The following FILIP1 variants were observed in gnomAD, a reference collection of about 807,000 sequenced individuals.
FILIP1 encodes filamin A interacting protein 1, also known as filamin-A-interacting protein 1.
A neutral mutation model predicts 102.1 loss-of-function variants in FILIP1; 61 were observed. The ratio of observed to expected loss-of-function variants is 0.60; its 90% CI spans 0.49 to 0.74. FILIP1 has a LOEUF of 0.74. Ranked by LOEUF, FILIP1 falls within the 30% of genes least tolerant of loss-of-function variation. The pLI is 0.00. For missense variants in FILIP1, 1,314 were observed against 1,441.2 expected (o/e 0.91, Z 1.43); for synonymous variants, 491 against 526.9 (o/e 0.93, Z 0.93).
At position 75,353,691 on chromosome 6, in the gene FILIP1, T is replaced by C. The variant is rs1395270888; in HGVS notation, c.477A>G (p.Lys159=). The change falls in exon 4 of 6, where the codon AAA becomes AAG. Residue 159 remains lysine, a synonymous_variant. Transcript: ENST00000237172. ...GCTCTAGCATGCGCCGGTAGGTTTCTTTCTGTTTTTCCTCAAGTCTGTCCA... is the reference window on the plus strand; with the variant it reads ...GCTCTAGCATGCGCCGGTAGGTTTCCTTCTGTTTTTCCTCAAGTCTGTCCA... The part of the protein sequence containing the change: ...SELDRLEEKQ[K]ETYRRMLEQL... 1.2e-6 allele frequency: 2 copies of C among 1,613,886 alleles called. No homozygotes were observed. The highest frequency in any genetic ancestry group is 1.7e-6 in the Non-Finnish European group (2 of 1,180,040).
chr6:75,472,080 T>C (rs1389423596), intron 1 of FILIP1, among the ~76,000 whole-genome samples: 1 of 152,164 alleles, frequency 6.6e-6, no homozygotes, highest in East Asian at 1.9e-4. Context: ...CAATTTGCTT[T>C]AAACTGGTGA....
At chr6:75,449,986 TGCG>T (rs1448629417) in intron 1 of FILIP1, among the ~76,000 whole-genome samples, 1 of 152,050 alleles carries the variant, frequency 6.6e-6, no homozygotes, top group Non-Finnish European at 1.5e-5. Flanking sequence ...CAGACTGGAG[TGCG>T]GTGGTGCAAT....
intron 2 of FILIP1, among the ~76,000 whole-genome samples, chr6:75,377,226 T>TA (rs908211900): frequency 6.6e-6 from 1 of 152,130 alleles, no homozygotes; most frequent in Non-Finnish European, 1.5e-5. Flanking sequence ...GTCCTTTTTA[T>TA]AAAAAAAGAA....
At chr6:75,391,039 A>G (rs903325245) in intron 2 of FILIP1, among the ~76,000 whole-genome samples, 1 of 152,032 alleles carries the variant, frequency 6.6e-6, no homozygotes, top group Non-Finnish European at 1.5e-5. Flanking sequence ...ACTATCTGTA[A>G]TTTCAGGTCT....
chr6:75,335,402 T>C (rs1403363564), intron 4 of FILIP1, among the ~76,000 whole-genome samples: 2 of 152,182 alleles, frequency 1.3e-5, no homozygotes, highest in Non-Finnish European at 2.9e-5. Context: ...GTTTCAGCAT[T>C]TATACAAAAT....
chr6:75,380,648 G>A (rs75510355), intron 2 of FILIP1, among the ~76,000 whole-genome samples: 14 of 152,114 alleles, frequency 9.2e-5, no homozygotes, highest in African/African-American at 3.1e-4. Context: ...GAAATATGAC[G>A]TTATGTTTAA....
At chr6:75,467,466 A>C (rs1043352080) in intron 1 of FILIP1, among the ~76,000 whole-genome samples, 22 of 152,156 alleles carry the variant, frequency 1.4e-4, no homozygotes, top group African/African-American at 5.3e-4. Flanking sequence ...ACTTGCTCTC[A>C]GCTCTCGGCT....
chr6:75,479,287 T>A (rs1327318550), intron 1 of FILIP1, among the ~76,000 whole-genome samples: 1 of 152,160 alleles, frequency 6.6e-6, no homozygotes, highest in Non-Finnish European at 1.5e-5. Context: ...AATGGAAATA[T>A]CCTTATTTTT....
chr6:75,405,812 A>G (rs1010980648), intron 2 of FILIP1, among the ~76,000 whole-genome samples: 5 of 152,210 alleles, frequency 3.3e-5, no homozygotes, highest in Admixed American at 3.3e-4. Flanking sequence ...CAGAGCAGAC[A>G]ATCGGAATGA....
chr6:75,484,123 G>C (rs1779719938), intron 1 of FILIP1, among the ~76,000 whole-genome samples: 1 of 152,038 alleles, frequency 6.6e-6, no homozygotes, highest in African/African-American at 2.4e-5. Flanking sequence ...CAGAACTGAG[G>C]TGCGGTCATA....
downstream of FILIP1, among the ~76,000 whole-genome samples, chr6:75,306,828 C>A (rs1417468851): frequency 1.7e-5 from 1 of 59,076 alleles, no homozygotes; most frequent in Non-Finnish European, 3.6e-5. Context: ...TCTTGGCTCA[C>A]TGCAACCTCT....
chr6:75,486,740 G>A lies in FILIP1; in HGVS notation c.-7+6674C>T, dbSNP rs758836498. ...AAATAGTACCTCATAGGGTTGTTACGAGAAGCAAATAAAATCATCCATGTA... is the reference window on the plus strand; with the variant it reads ...AAATAGTACCTCATAGGGTTGTTACAAGAAGCAAATAAAATCATCCATGTA... On this transcript the variant is annotated intron_variant, in intron 1 of 5. Transcript: ENST00000237172. 5.5e-4 allele frequency among the ~76,000 whole-genome samples: 83 copies of A among 152,126 alleles called. 1 individual carries two copies. The highest frequency in any genetic ancestry group is 2.1e-3 in the South Asian group (10 of 4,814).
intron 1 of FILIP1, chr6:75,465,413 A>T (rs1562639275): frequency 1.1e-5 from 7 of 619,760 alleles, no homozygotes; most frequent in Non-Finnish European, 1.9e-5. Context: ...ACTAGCTCCA[A>T]TGAAGTGGTG....
At chr6:75,451,559 A>G (rs1778631996) in intron 1 of FILIP1, among the ~76,000 whole-genome samples, 3 of 152,090 alleles carry the variant, frequency 2.0e-5, no homozygotes, top group African/African-American at 7.2e-5. Context: ...GGCCAGGCAC[A>G]GTGGCTCCGG....
At chr6:75,422,194 TTTTATA>T (rs1235672350) in intron 1 of FILIP1, among the ~76,000 whole-genome samples, 1 of 152,040 alleles carries the variant, frequency 6.6e-6, no homozygotes, top group African/African-American at 2.4e-5. Context: ...GTTAAAATAT[TTTTATA>T]TTTATAATTC....
intron 1 of FILIP1, among the ~76,000 whole-genome samples, chr6:75,464,587 A>G (rs557913615): frequency 6.6e-6 from 1 of 152,290 alleles, no homozygotes; most frequent in South Asian, 2.1e-4. Flanking sequence ...CAGCCAGCCA[A>G]TTCTACCTTC....
chr6:75,349,371 C>T (rs1033638726), intron 4 of FILIP1, among the ~76,000 whole-genome samples: 3 of 152,112 alleles, frequency 2.0e-5, no homozygotes, highest in Non-Finnish European at 2.9e-5. Context: ...ACCCCTCCAC[C>T]ACCAAATCAA....
At chr6:75,330,527 A>T (rs4579317) in intron 4 of FILIP1, among the ~76,000 whole-genome samples, 35,085 of 151,792 alleles carry the variant, frequency 0.23, 4,912 homozygotes, top group Middle Eastern at 0.34. Flanking sequence ...ACTTGGTGAT[A>T]AAAAAAATTG....
chr6:75,303,823 G>A (rs540707910), downstream of FILIP1, among the ~76,000 whole-genome samples: 1 of 152,074 alleles, frequency 6.6e-6, no homozygotes, highest in African/African-American at 2.4e-5. Context: ...ATAGATGATA[G>A]GCAGATCAAT....
Sources: gnomAD v4.1 joint callset for allele counts (sites outside exome capture counted in the v4.1 genomes callset) on GRCh38, gnomAD v4.1.1 for gene constraint, MANE v1.5 for transcripts, NCBI Gene and HGNC (gene_info 2026-07-23, HGNC 2026-07-21) for gene names.